The following SH3KBP1 variants were observed in gnomAD, a reference collection of about 807,000 sequenced individuals.
The protein encoded by SH3KBP1 is SH3 domain-containing kinase-binding protein 1.
SH3KBP1 carries 8 observed loss-of-function variants against 50.1 expected under a neutral mutation model. That is an observed-to-expected ratio of 0.16 (90% CI 0.09 to 0.29). The LOEUF (loss-of-function observed/expected upper bound fraction) is 0.29, where lower values mean the gene tolerates loss of function less well. SH3KBP1 is among the 10% of genes least tolerant of loss of function. The pLI, the probability that SH3KBP1 is intolerant of heterozygous loss-of-function variation, is 1.00. For missense variants in SH3KBP1, 377 were observed against 535.2 expected, an observed-to-expected ratio of 0.70 and a Z score of 2.92; for synonymous variants, 227 against 218.6, an observed-to-expected ratio of 1.04 and a Z score of -0.34.
chrX:19,705,495 T>C (rs1272649500), intron 4 of SH3KBP1, among the ~76,000 whole-genome samples: 1 of 111,619 alleles, frequency 9.0e-6, no homozygotes, highest in Non-Finnish European at 1.9e-5. Context: ...TTTTCACTCA[T>C]TCAACTTTCA....
intron 3 of SH3KBP1, among the ~76,000 whole-genome samples, chrX:19,735,975 C>A (rs1344966417): frequency 9.0e-6 from 1 of 111,255 alleles, no homozygotes; most frequent in Admixed American, 9.5e-5. Flanking sequence ...CCACCCGCCT[C>A]GGCCTCCCAA....
At chrX:19,817,295 ACTAGT>A (rs766424641) in intron 2 of SH3KBP1, among the ~76,000 whole-genome samples, 1 of 112,003 alleles carries the variant, frequency 8.9e-6, no homozygotes, top group Non-Finnish European at 1.9e-5. Flanking sequence ...CTTAAAATAA[ACTAGT>A]CTATAGCTAC....
intron 2 of SH3KBP1, among the ~76,000 whole-genome samples, chrX:19,751,200 G>A (rs2065055571): frequency 8.9e-6 from 1 of 112,121 alleles, no homozygotes; most frequent in Admixed American, 9.4e-5. Context: ...TCCTGCAGAG[G>A]AGGGTTGGCT....
intron 13 of SH3KBP1, among the ~76,000 whole-genome samples, chrX:19,566,303 G>C (rs1444608784): frequency 1.5e-4 from 14 of 95,631 alleles, no homozygotes; most frequent in Admixed American, 2.3e-4. Flanking sequence ...AGGTGAACCC[G>C]CCCCCCCATC....
chrX:19,731,339 C>T (rs2064371116), intron 3 of SH3KBP1, among the ~76,000 whole-genome samples: 1 of 112,432 alleles, frequency 8.9e-6, no homozygotes, highest in Admixed American at 9.4e-5. Flanking sequence ...TATACATTCT[C>T]GCACTCGCCA....
At chrX:19,664,693 A>G (rs925299939) in intron 6 of SH3KBP1, 2 of 111,995 alleles carry the variant, frequency 1.8e-5, no homozygotes, top group African/African-American at 6.5e-5. Context: ...GCTCACCTCT[A>G]CTGCATGTTG....
At chrX:19,730,164 T>C (rs1355924359) in intron 3 of SH3KBP1, among the ~76,000 whole-genome samples, 1 of 111,046 alleles carries the variant, frequency 9.0e-6, no homozygotes, top group Non-Finnish European at 1.9e-5. Flanking sequence ...TTAAAAAAGG[T>C]CAAATATAAA....
At chrX:19,772,817 C>T (rs780236852) in intron 2 of SH3KBP1, among the ~76,000 whole-genome samples, 64 of 111,849 alleles carry the variant, frequency 5.7e-4, no homozygotes, top group African/African-American at 2.0e-3. Flanking sequence ...TCTTCCTCCT[C>T]ATCTTCCCCC....
chrX:19,632,225 AG>A (rs1480299185), intron 7 of SH3KBP1, among the ~76,000 whole-genome samples: 1 of 111,729 alleles, frequency 9.0e-6, no homozygotes, highest in African/African-American at 3.3e-5. Flanking sequence ...TTTCTCTGGC[AG>A]AAAGGTAAAA....
At chrX:19,633,586 C>T (rs2061628176) in intron 7 of SH3KBP1, among the ~76,000 whole-genome samples, 1 of 112,203 alleles carries the variant, frequency 8.9e-6, no homozygotes. Context: ...TCAAAACTTA[C>T]AACAACACAA....
intron 1 of SH3KBP1, among the ~76,000 whole-genome samples, chrX:19,850,514 C>G (rs1350145153): frequency 3.6e-5 from 4 of 111,435 alleles, no homozygotes; most frequent in South Asian, 3.7e-4. Context: ...GTAGCACAAT[C>G]AAAAGTGTGT....
chrX:19,550,170 T>C (rs1301416485), intron 13 of SH3KBP1, 87 bp from the exon 14 acceptor site: 17 of 591,680 alleles, frequency 2.9e-5, no homozygotes, highest in Non-Finnish European at 4.2e-5. Flanking sequence ...TCCTCAATAA[T>C]AATCCTTTCT....
chrX:19,664,448 C>T (rs779940302), intron 6 of SH3KBP1, among the ~76,000 whole-genome samples: 16 of 111,272 alleles, frequency 1.4e-4, no homozygotes, highest in African/African-American at 4.9e-4. Context: ...TTAGTGATCA[C>T]TCCCTGACCC....
At chrX:19,607,867 C>T (rs997393013) in intron 9 of SH3KBP1, 71 bp downstream of exon 9, 1 of 907,554 alleles carries the variant, frequency 1.1e-6, no homozygotes, top group Non-Finnish European at 1.6e-6. Flanking sequence ...AACATTACAC[C>T]AAACTTCCCC....
intron 1 of SH3KBP1, among the ~76,000 whole-genome samples, chrX:19,874,087 A>ATATATATATATATATATATATATAT (rs1207906391): frequency 1.0e-5 from 1 of 95,290 alleles, no homozygotes; most frequent in Non-Finnish European, 2.0e-5. Context: ...ATATATATAT[A>ATATATATATATATATATATATATAT]AAACTCTAAA....
At chrX:19,822,084 C>G (rs1429981692) in intron 2 of SH3KBP1, among the ~76,000 whole-genome samples, 1 of 112,239 alleles carries the variant, frequency 8.9e-6, no homozygotes, top group African/African-American at 3.2e-5. Flanking sequence ...TGTCATGTCT[C>G]TCTTGCTGCA....
chrX:19,697,130 C>T (rs1362070808), intron 4 of SH3KBP1, among the ~76,000 whole-genome samples: 1 of 111,699 alleles, frequency 9.0e-6, no homozygotes, highest in Non-Finnish European at 1.9e-5. Flanking sequence ...GTAGGCTAGG[C>T]TGAGCTATGC....
intron 2 of SH3KBP1, among the ~76,000 whole-genome samples, chrX:19,817,978 C>T (rs181059696): frequency 3.6e-4 from 40 of 112,034 alleles, no homozygotes; most frequent in African/African-American, 1.3e-3. Context: ...ACCATTGTGT[C>T]GTAACTGCCT....
intron 16 of SH3KBP1, among the ~76,000 whole-genome samples, chrX:19,539,041 T>C (rs2064806498): frequency 8.9e-6 from 1 of 112,316 alleles, no homozygotes; most frequent in South Asian, 3.6e-4. Flanking sequence ...GAAACTGGCA[T>C]GACTTAGGAT....
Sources: gnomAD v4.1 joint callset for allele counts (sites outside exome capture counted in the v4.1 genomes callset) on GRCh38, gnomAD v4.1.1 for gene constraint, MANE v1.5 for transcripts, NCBI Gene and HGNC (gene_info 2026-07-23, HGNC 2026-07-21) for gene names.